Variants in ZRANB3 observed in about 807,000 individuals in gnomAD.
ZRANB3 encodes the protein zinc finger RANBP2-type containing 3, also known as DNA annealing helicase and endonuclease ZRANB3.
ZRANB3 carries 125 observed loss-of-function variants against 133.8 expected under a neutral mutation model. That is an observed-to-expected ratio of 0.93 (90% CI 0.81 to 1.08). ZRANB3 has a LOEUF of 1.08. Among genes scored for constraint, ZRANB3 ranks in the 50% least tolerant of loss-of-function variants. The pLI, the probability that ZRANB3 is intolerant of heterozygous loss-of-function variation, is 0.00. For missense variants in ZRANB3, 1,229 were observed against 1,275.5 expected, an observed-to-expected ratio of 0.96 and a Z score of 0.56; for synonymous variants, 387 against 432.7, an observed-to-expected ratio of 0.89 and a Z score of 1.31.
At chr2:135,431,053 C>T (rs1277250159) in intron 2 of ZRANB3, among the ~76,000 whole-genome samples, 2 of 151,300 alleles carry the variant, frequency 1.3e-5, no homozygotes, top group African/African-American at 4.9e-5. Context: ...GGCAGGAGGA[C>T]TGCTGGAGCC....
At chr2:135,272,973 G>A (rs891116779) in intron 9 of ZRANB3, among the ~76,000 whole-genome samples, 1 of 151,944 alleles carries the variant, frequency 6.6e-6, no homozygotes, top group Non-Finnish European at 1.5e-5. Context: ...CACGAGGTCA[G>A]GAGATCACGA....
At chr2:135,359,372 C>G (rs1241764018) in intron 3 of ZRANB3, among the ~76,000 whole-genome samples, 1 of 151,896 alleles carries the variant, frequency 6.6e-6, no homozygotes, top group African/African-American at 2.4e-5. Flanking sequence ...CTGCTTGAGG[C>G]CAGGAGTTCA....
intron 2 of ZRANB3, among the ~76,000 whole-genome samples, chr2:135,411,430 C>A (rs1353199303): frequency 6.6e-6 from 1 of 151,970 alleles, no homozygotes; most frequent in Non-Finnish European, 1.5e-5. Flanking sequence ...TTATCCATAG[C>A]AAAAGAAATT....
chr2:135,431,184 C>CGAGT (rs1196409908), intron 2 of ZRANB3, among the ~76,000 whole-genome samples: 1 of 151,136 alleles, frequency 6.6e-6, no homozygotes, highest in Non-Finnish European at 1.5e-5. Flanking sequence ...CCCAGCTACT[C>CGAGT]GGGAGGCTCA....
At chr2:135,253,387 GGA>G (rs113792297) in intron 12 of ZRANB3, among the ~76,000 whole-genome samples, 5 of 151,086 alleles carry the variant, frequency 3.3e-5, no homozygotes, top group Admixed American at 6.6e-5. Flanking sequence ...GACAGGGAGT[GGA>G]GAGAGAGAGA....
intron 2 of ZRANB3, among the ~76,000 whole-genome samples, chr2:135,413,115 A>T (rs1481756349): frequency 6.6e-6 from 1 of 152,192 alleles, no homozygotes; most frequent in Non-Finnish European, 1.5e-5. Context: ...GCTGCTTCAC[A>T]TAAAGCTTTT....
At chr2:135,427,299 C>T (rs1318776273) in intron 2 of ZRANB3, among the ~76,000 whole-genome samples, 1 of 152,042 alleles carries the variant, frequency 6.6e-6, no homozygotes, top group Non-Finnish European at 1.5e-5. Context: ...TGATATAATT[C>T]TATACCTGGA....
intron 2 of ZRANB3, among the ~76,000 whole-genome samples, chr2:135,457,407 T>C (rs1191667129): frequency 1.3e-5 from 2 of 152,166 alleles, no homozygotes; most frequent in African/African-American, 2.4e-5. Flanking sequence ...CTGCACTATT[T>C]TACATTCCAA....
intron 8 of ZRANB3, among the ~76,000 whole-genome samples, chr2:135,300,377 A>G (rs1328014982): frequency 6.6e-6 from 1 of 152,198 alleles, no homozygotes; most frequent in Non-Finnish European, 1.5e-5. Context: ...TTTTAAAAAA[A>G]CCATCATCAG....
intron 12 of ZRANB3, 47 bp from the exon 13 acceptor site, chr2:135,230,974 T>G: frequency 6.7e-7 from 1 of 1,481,786 alleles, no homozygotes; most frequent in South Asian, 1.4e-5. Context: ...CAATCTAATA[T>G]GTTCTTCTTA....
intron 2 of ZRANB3, among the ~76,000 whole-genome samples, chr2:135,401,922 C>T (rs1282647143): frequency 6.6e-6 from 1 of 152,100 alleles, no homozygotes; most frequent in African/African-American, 2.4e-5. Context: ...GGCCATAAAA[C>T]CTCAATAGCA....
At chr2:135,297,656 C>T (rs1049005264) in intron 8 of ZRANB3, among the ~76,000 whole-genome samples, 1 of 152,232 alleles carries the variant, frequency 6.6e-6, no homozygotes, top group African/African-American at 2.4e-5. Context: ...AATCACCCGT[C>T]GTCTGCATCG....
At chr2:135,514,362 T>C (rs1377730845) in intron 1 of ZRANB3, among the ~76,000 whole-genome samples, 1 of 152,196 alleles carries the variant, frequency 6.6e-6, no homozygotes, top group Non-Finnish European at 1.5e-5. Flanking sequence ...TTCACCTCCA[T>C]TGTAAGTTGT....
intron 1 of ZRANB3, among the ~76,000 whole-genome samples, chr2:135,516,469 G>GA (rs1241739328): frequency 6.6e-6 from 1 of 152,154 alleles, no homozygotes; most frequent in Non-Finnish European, 1.5e-5. Context: ...CTGGTGGTGA[G>GA]AAAATCTCTC....
intron 2 of ZRANB3, among the ~76,000 whole-genome samples, chr2:135,448,547 T>C (rs1459852039): frequency 1.3e-5 from 2 of 152,182 alleles, no homozygotes; most frequent in African/African-American, 4.8e-5. Flanking sequence ...AGTAAAGACT[T>C]TATGCCAATT....
At chr2:135,259,485 T>A (rs1679835798) in intron 12 of ZRANB3, among the ~76,000 whole-genome samples, 1 of 152,112 alleles carries the variant, frequency 6.6e-6, no homozygotes, top group South Asian at 2.1e-4. Flanking sequence ...TGCAATCAAT[T>A]TCAGCTCAGC....
intron 12 of ZRANB3, among the ~76,000 whole-genome samples, chr2:135,234,961 A>C (rs2105074437): frequency 6.6e-6 from 1 of 152,354 alleles, no homozygotes; most frequent in Non-Finnish European, 1.5e-5. Context: ...AAGGAAATAG[A>C]GACACAAAAA....
chr2:135,528,143 T>C (rs1319094694), intron 1 of ZRANB3, among the ~76,000 whole-genome samples: 1 of 147,356 alleles, frequency 6.8e-6, no homozygotes, highest in African/African-American at 2.5e-5. Flanking sequence ...TTAAAGCTCT[T>C]TTTTTTTTTT....
chr2:135,454,808 C>T (rs1265621548), intron 2 of ZRANB3, among the ~76,000 whole-genome samples: 1 of 152,168 alleles, frequency 6.6e-6, no homozygotes, highest in Non-Finnish European at 1.5e-5. Context: ...ATGGTATATA[C>T]ATACCACACT....
Sources: allele counts gnomAD v4.1 joint callset (sites outside exome capture counted in the v4.1 genomes callset), GRCh38; gene constraint gnomAD v4.1.1; transcripts MANE v1.5; gene names NCBI Gene and HGNC (gene_info 2026-07-23, HGNC 2026-07-21).